PC: variants seen among roughly 807,000 people sequenced by gnomAD.
PC encodes the protein pyruvate carboxylase.
PC carries 46 observed loss-of-function variants against 107.8 expected under a neutral mutation model. The ratio of observed to expected loss-of-function variants is 0.43; its 90% CI spans 0.34 to 0.55. The LOEUF is 0.55. PC is among the 20% of genes least tolerant of loss of function. PC has a pLI of 0.04. For missense variants in PC, 1,241 were observed against 1,643.1 expected, an observed-to-expected ratio of 0.76 and a Z score of 4.23; for synonymous variants, 662 against 684.7, an observed-to-expected ratio of 0.97 and a Z score of 0.52.
In PC at chr11:66,858,791, C is replaced by T. The variant is rs372294508; in HGVS notation, c.1368+4983G>A. On this transcript the variant is annotated intron_variant, in intron 12 of 22. Coordinates refer to ENST00000393960, the MANE Select transcript of PC (RefSeq NM_001040716.2). The surrounding 1 kb of genome is among the most constrained non-coding windows in gnomAD (Gnocchi z 5.9). ...CCGGCGCTGGGGACGCTGGGGGCTA[C>T]ACCTGCATCGCCACCAACCCTGCTG... is the stretch of plus-strand genomic sequence containing the variant. The T allele has an allele frequency of 4.6e-5, 72 of 1,549,678 alleles. No homozygotes were observed. Among genetic ancestry groups the T allele is most frequent in the Non-Finnish European group, 5.8e-5 (67 of 1,147,508 alleles).
Position 66,871,711 on chromosome 11 carries a change from G to C in PC, c.297C>G (p.Ile99Met). ...GLAPVQAYLH[I>M]PDIIKVAKEN... ...CCTTGGCCACCTTGATGATGTCTGG[G>C]ATGTGCAGGTAGGCCTGCACGGGGG... is the stretch of plus-strand genomic sequence containing the variant. The change falls in exon 5 of 23, where the codon ATC (isoleucine) becomes ATG (methionine). Residue 99 changes from isoleucine (I) to methionine (M), a missense_variant. Transcript: ENST00000393960. This position sits in a 1 kb window ranked among gnomAD's most constrained non-coding sequence, Gnocchi z 7.4. 1 of 1,570,262 alleles carries C rather than the reference G, an allele frequency of 6.4e-7. No homozygotes were observed. The highest frequency in any genetic ancestry group is 8.6e-7 in the Non-Finnish European group (1 of 1,157,778).
rs983626835 is a variant in PC, at chr11:66,883,557, G to A, written c.1-11398C>T. Among the ~76,000 whole-genome samples the A allele has an allele frequency of 2.0e-5, 3 of 152,154 alleles. No individual in the cohort carries two copies. The East Asian group carries it at 5.8e-4, about 29-fold the overall frequency. ...AGGGGGCTCTCCATGAGGTCTCCGT[G>A]GCGTCTGTGTCCTCAGCAAAGAGCA... On this transcript the variant is annotated intron_variant, in intron 3 of 22. Transcript: ENST00000393960.
At position 66,860,535 on chromosome 11, in the gene PC, C is replaced by T. The variant is rs569606580; in HGVS notation, c.1368+3239G>A. ...CGAGACGGGAGGACAGGACACGGGC[C>T]GCTGGTGGCACACGGACAAGGGTGG... On this transcript the variant is annotated intron_variant, in intron 12 of 22. Transcript: ENST00000393960. 61 of 701,968 alleles carry T rather than the reference C, an allele frequency of 8.7e-5. No homozygotes were observed. The East Asian group carries it at 1.2e-3, about 14-fold the overall frequency. 43.5% of individuals were successfully genotyped at this position (701,968 alleles called of 1,614,324 possible). A position where few individuals can be genotyped will look rare whatever the true frequency, so the allele number is the denominator to read the frequency against.
intron 3 of PC, among the ~76,000 whole-genome samples, chr11:66,905,663 G>A (rs1453582779): frequency 1.3e-5 from 2 of 152,130 alleles, no homozygotes; most frequent in Non-Finnish European, 2.9e-5. Context: ...TCAGATTTTG[G>A]AAGGTCAGAA....
rs754821702 is a variant in PC at position 66,868,947 on chromosome 11, T to G, written c.921A>C (p.Ala307=). 1.9e-6 allele frequency: 3 copies of G among 1,613,736 alleles called. No homozygotes were observed. In the Admixed American group the frequency reaches 5.0e-5, roughly 27 times the overall value. Residue 307 remains alanine, a synonymous_variant, in exon 10 of 23, where the codon GCA becomes GCC. Coordinates refer to ENST00000393960, the MANE Select transcript of PC (RefSeq NM_001040716.2). ...KLAKQVGYEN[A]GTVEFLVDRH... ...TGTCCACCAGGAACTCCACGGTGCCTGCGTTCTCGTAGCCCACCTGTGGGG... is the reference window on the plus strand; with the variant it reads ...TGTCCACCAGGAACTCCACGGTGCCGGCGTTCTCGTAGCCCACCTGTGGGG...
intron 3 of PC, among the ~76,000 whole-genome samples, chr11:66,930,604 T>C (rs1205714902): frequency 1.3e-5 from 2 of 152,102 alleles, no homozygotes; most frequent in African/African-American, 4.8e-5. Context: ...TGGTTGGGCA[T>C]GGTGGCACAC....
chr11:66,880,394 A>G (rs1947144776), intron 3 of PC, among the ~76,000 whole-genome samples: 1 of 152,220 alleles, frequency 6.6e-6, no homozygotes, highest in South Asian at 2.1e-4. Flanking sequence ...ACCATTCCCC[A>G]AAGCCGAAGG....
intron 3 of PC, among the ~76,000 whole-genome samples, chr11:66,905,567 T>C (rs1948137323): frequency 6.6e-6 from 1 of 152,214 alleles, no homozygotes; most frequent in South Asian, 2.1e-4. Flanking sequence ...TGAGAATGCA[T>C]GTGAACTGGT....
intron 3 of PC, chr11:66,919,801 C>T (rs2136087989): frequency 6.6e-6 from 1 of 152,272 alleles, no homozygotes; most frequent in South Asian, 2.1e-4. Flanking sequence ...AGCAGGCTTT[C>T]AGGTCTTTGC....
At chr11:66,955,520 G>A (rs759386788) in intron 1 of PC, among the ~76,000 whole-genome samples, 2 of 152,216 alleles carry the variant, frequency 1.3e-5, no homozygotes, top group South Asian at 2.1e-4. Context: ...GACAGAAGGC[G>A]TTATGACACA....
At chr11:66,937,431 A>T (rs1949025851) in intron 3 of PC, among the ~76,000 whole-genome samples, 1 of 152,118 alleles carries the variant, frequency 6.6e-6, no homozygotes, top group Non-Finnish European at 1.5e-5. Context: ...TTTGATTATG[A>T]AATATCTAGG....
At chr11:66,930,399 A>T (rs1464380622) in intron 3 of PC, among the ~76,000 whole-genome samples, 1 of 152,164 alleles carries the variant, frequency 6.6e-6, no homozygotes, top group Non-Finnish European at 1.5e-5. Context: ...CTCCACTCCT[A>T]GTTTATACCC....
At chr11:66,950,960 C>T (rs1530891) in intron 3 of PC, among the ~76,000 whole-genome samples, 62,621 of 151,566 alleles carry the variant, frequency 0.41, 13,915 homozygotes, top group South Asian at 0.65. Flanking sequence ...GGGGGTGAAA[C>T]TCGTGGAGGG....
At chr11:66,881,712 G>A (rs1424572195) in intron 3 of PC, among the ~76,000 whole-genome samples, 1 of 152,194 alleles carries the variant, frequency 6.6e-6, no homozygotes, top group Non-Finnish European at 1.5e-5. Flanking sequence ...GGCTCTTCAC[G>A]CAGACTCACT....
At chr11:66,873,455 AATATATAT>A (rs1946833964) in intron 3 of PC, among the ~76,000 whole-genome samples, 1 of 81,778 alleles carries the variant, frequency 1.2e-5, no homozygotes, top group Non-Finnish European at 2.3e-5. Context: ...TTATATATAA[AATATATAT>A]TATATATAAT....
At chr11:66,928,402 A>AC (rs1330550736) in intron 3 of PC, among the ~76,000 whole-genome samples, 86 of 151,416 alleles carry the variant, frequency 5.7e-4, no homozygotes, top group African/African-American at 2.0e-3. Flanking sequence ...AAAAAAAAAA[A>AC]CAAGAATCAG....
chr11:66,884,990 C>A (rs576859885), intron 3 of PC, among the ~76,000 whole-genome samples: 12 of 152,300 alleles, frequency 7.9e-5, no homozygotes, highest in Middle Eastern at 6.8e-3. Context: ...CTTCACAGGA[C>A]CTGCTCCCCA....
At chr11:66,916,304 T>G (rs1340761671) in intron 3 of PC, among the ~76,000 whole-genome samples, 2 of 152,168 alleles carry the variant, frequency 1.3e-5, no homozygotes, top group Non-Finnish European at 2.9e-5. Flanking sequence ...CAGGCTGGTC[T>G]TCACCTCCTG....
At chr11:66,901,228 G>A (rs1947945798) in intron 3 of PC, among the ~76,000 whole-genome samples, 1 of 152,188 alleles carries the variant, frequency 6.6e-6, no homozygotes, top group Non-Finnish European at 1.5e-5. Flanking sequence ...CCTCTGGGTG[G>A]AGGCACCTGG....
Sources: gnomAD v4.1 joint callset for allele counts (sites outside exome capture counted in the v4.1 genomes callset) on GRCh38, gnomAD v4.1.1 for gene constraint, Gnocchi (gnomAD v3.1) non-coding constraint, MANE v1.5 for transcripts, NCBI Gene and HGNC (gene_info 2026-07-23, HGNC 2026-07-21) for gene names.